Variants in RELN observed in about 807,000 individuals in gnomAD.
The protein encoded by RELN is reelin.
In RELN, 108 loss-of-function variants were observed where a neutral mutation model predicts 427.6. The observed-to-expected ratio is 0.25, with a 90% confidence interval of 0.22 to 0.30. The LOEUF (loss-of-function observed/expected upper bound fraction) is 0.30. Among genes scored for constraint, RELN ranks in the 10% least tolerant of loss-of-function variants. The pLI is 1.00. For synonymous variants in RELN, 1,524 were observed against 1,513.4 expected (o/e 1.01, Z -0.16); for missense variants, 3,715 against 4,302.8 (o/e 0.86, Z 3.82).
At chr7:103,913,386 C>T (rs555303206) in intron 2 of RELN, among the ~76,000 whole-genome samples, 9 of 152,252 alleles carry the variant, frequency 5.9e-5, no homozygotes, top group African/African-American at 2.2e-4. Flanking sequence ...ACATATTGCA[C>T]ATTAATCCTG....
intron 3 of RELN, among the ~76,000 whole-genome samples, chr7:103,811,258 AT>A (rs1792736311): frequency 6.6e-6 from 1 of 152,184 alleles, no homozygotes; most frequent in African/African-American, 2.4e-5. Flanking sequence ...ATAAAAATAA[AT>A]TGCCTGTATC....
chr7:103,562,909 T>A (rs567706700), intron 34 of RELN, among the ~76,000 whole-genome samples: 7 of 152,320 alleles, frequency 4.6e-5, no homozygotes, highest in African/African-American at 1.4e-4. Context: ...ACCTCCTACT[T>A]CTTACCTTGC....
intron 7 of RELN, among the ~76,000 whole-genome samples, chr7:103,727,873 G>A (rs1790252734): frequency 6.6e-6 from 1 of 152,048 alleles, no homozygotes; most frequent in South Asian, 2.1e-4. Context: ...TAATCATAGT[G>A]ATGTTCCATG....
At chr7:103,939,264 CT>C (rs1389154904) in intron 1 of RELN, among the ~76,000 whole-genome samples, 2 of 152,000 alleles carry the variant, frequency 1.3e-5, no homozygotes, top group Non-Finnish European at 2.9e-5. Context: ...GTTTTATAAG[CT>C]TTTATCTTCC....
At chr7:103,935,511 A>C (rs73715920) in intron 1 of RELN, among the ~76,000 whole-genome samples, 10,251 of 151,972 alleles carry the variant, frequency 0.067, 599 homozygotes, top group East Asian at 0.22. Flanking sequence ...AGTATTATTT[A>C]AGACTCTGTC....
chr7:103,937,137 T>A (rs1001354404), intron 1 of RELN, among the ~76,000 whole-genome samples: 4 of 152,198 alleles, frequency 2.6e-5, no homozygotes. Flanking sequence ...ATGTATATAG[T>A]AAATAAAATA....
chr7:103,640,720 G>T lies in RELN; in HGVS notation c.2003-111C>A. 9.3e-7 allele frequency: 1 copy of T among 1,069,948 alleles called. No individual in the cohort carries two copies. The highest frequency in any genetic ancestry group is 1.4e-6 in the Non-Finnish European group (1 of 713,708). The allele number at this position is 1,069,948 out of a possible 1,614,324, so 66.3% of individuals were successfully genotyped here. ...CCCCTTGTGTGTATGTTGTGTGCAGGAACCCAGGGTGACATATGGAATGCT... is the reference window on the plus strand; with the variant it reads ...CCCCTTGTGTGTATGTTGTGTGCAGTAACCCAGGGTGACATATGGAATGCT... On this transcript the variant is annotated intron_variant, in intron 16 of 64. Transcript: ENST00000428762. This position sits in a 1 kb window ranked among gnomAD's most constrained non-coding sequence, Gnocchi z 4.1.
At chr7:103,658,816 T>C (rs1406703650) in intron 12 of RELN, among the ~76,000 whole-genome samples, 1 of 151,972 alleles carries the variant, frequency 6.6e-6, no homozygotes, top group Non-Finnish European at 1.5e-5. Flanking sequence ...TCTCTCTCTC[T>C]CTCTCTCTGG....
chr7:103,508,315 G>C (rs574948520), intron 51 of RELN, among the ~76,000 whole-genome samples: 3 of 150,848 alleles, frequency 2.0e-5, no homozygotes, highest in Non-Finnish European at 4.5e-5. Flanking sequence ...ATCCAACCAA[G>C]ATCAAGTTGG....
chr7:103,744,288 C>G (rs901669512), intron 6 of RELN, among the ~76,000 whole-genome samples: 7 of 151,930 alleles, frequency 4.6e-5, no homozygotes, highest in Admixed American at 2.0e-4. Context: ...ATTTATAGCA[C>G]TAAATGCCCA....
At chr7:103,732,749 C>T (rs78184348) in intron 6 of RELN, among the ~76,000 whole-genome samples, 2,150 of 152,246 alleles carry the variant, frequency 0.014, 50 homozygotes, top group African/African-American at 0.049. Context: ...ACCCTCCTCA[C>T]TTTCTCAGAA....
chr7:103,869,580 T>C (rs975580387), intron 2 of RELN, among the ~76,000 whole-genome samples: 1 of 152,138 alleles, frequency 6.6e-6, no homozygotes, highest in Non-Finnish European at 1.5e-5. Flanking sequence ...AATTTAATAG[T>C]GTCACCAAGT....
rs1793098792 is a variant in RELN, at chr7:103,824,950, T to A, written c.473+8587A>T. ...CACGTTTTGGATCAAAACACACCTG[T>A]CTTTGCGAGTTTTTGAAGCTCTTGC... On this transcript the variant is annotated intron_variant, in intron 3 of 64. Transcript: ENST00000428762. The surrounding 1 kb of genome is among the most constrained non-coding windows in gnomAD (Gnocchi z 4.4). 1.3e-5 allele frequency among the ~76,000 whole-genome samples: 2 copies of A among 151,400 alleles called. No homozygotes were observed. Among genetic ancestry groups the A allele is most frequent in the African/African-American group, 4.9e-5 (2 of 41,234 alleles).
chr7:103,828,758 T>A (rs1258445181), intron 3 of RELN, among the ~76,000 whole-genome samples: 1 of 151,912 alleles, frequency 6.6e-6, no homozygotes, highest in Non-Finnish European at 1.5e-5. Context: ...AAGTGGCACC[T>A]CTCATTATTT....
chr7:103,813,983 A>C (rs531977332), intron 3 of RELN, among the ~76,000 whole-genome samples: 6 of 152,276 alleles, frequency 3.9e-5, no homozygotes, highest in Admixed American at 3.9e-4. Context: ...GGTATTTTTA[A>C]GAGTTTATTT....
chr7:103,529,287 G>C (rs557031638), intron 46 of RELN, among the ~76,000 whole-genome samples: 2 of 152,128 alleles, frequency 1.3e-5, no homozygotes, highest in Non-Finnish European at 2.9e-5. Flanking sequence ...TAGCTTCCAC[G>C]GTGTGGCTAA....
intron 6 of RELN, among the ~76,000 whole-genome samples, chr7:103,747,297 A>T (rs142671125): frequency 4.6e-5 from 7 of 152,162 alleles, no homozygotes; most frequent in Non-Finnish European, 1.0e-4. Flanking sequence ...TAGCATTAGG[A>T]GATATATCTA....
At chr7:103,521,226 G>A (rs1829702094) in intron 48 of RELN, among the ~76,000 whole-genome samples, 1 of 151,160 alleles carries the variant, frequency 6.6e-6, no homozygotes. Context: ...TGATCCACCC[G>A]CCTCGGCCTC....
intron 2 of RELN, among the ~76,000 whole-genome samples, chr7:103,871,609 G>C (rs1362971994): frequency 6.6e-6 from 1 of 152,138 alleles, no homozygotes; most frequent in Non-Finnish European, 1.5e-5. Context: ...GAGGGCAGGA[G>C]TGGAAAGGCA....
Sources: allele counts gnomAD v4.1 joint callset (sites outside exome capture counted in the v4.1 genomes callset), GRCh38; gene constraint gnomAD v4.1.1; non-coding constraint Gnocchi (gnomAD v3.1); transcripts MANE v1.5; gene names NCBI Gene and HGNC (gene_info 2026-07-23, HGNC 2026-07-21).